The following CHIC2 variants were observed in gnomAD, a reference collection of about 807,000 sequenced individuals.
CHIC2 encodes cysteine rich hydrophobic domain 2, also known as cysteine-rich hydrophobic domain-containing protein 2.
A neutral mutation model predicts 25.9 loss-of-function variants in CHIC2; 14 were observed. That is an observed-to-expected ratio of 0.54 (90% CI 0.36 to 0.85). The LOEUF (loss-of-function observed/expected upper bound fraction) is 0.85. CHIC2 is among the 40% of genes least tolerant of loss of function. The pLI, the probability that CHIC2 is intolerant of heterozygous loss-of-function variation, is 0.01. For missense variants in CHIC2, 146 were observed against 202.0 expected, an observed-to-expected ratio of 0.72 and a Z score of 1.68; for synonymous variants, 70 against 72.0, an observed-to-expected ratio of 0.97 and a Z score of 0.14.
chr4:54,057,662 T>C (rs530593694), intron 1 of CHIC2, among the ~76,000 whole-genome samples: 61 of 152,338 alleles, frequency 4.0e-4, no homozygotes, highest in Non-Finnish European at 7.8e-4. Flanking sequence ...TTTCATTATA[T>C]ACCCAGAGCT....
chr4:54,029,577 A>G (rs1379787702), intron 3 of CHIC2, among the ~76,000 whole-genome samples: 4 of 152,218 alleles, frequency 2.6e-5, no homozygotes, highest in Non-Finnish European at 5.9e-5. Context: ...TTGGATTCTC[A>G]CTTCACTAGA....
intron 2 of CHIC2, 29 bp downstream of exon 2, chr4:54,049,222 T>C: frequency 6.3e-7 from 1 of 1,581,720 alleles, no homozygotes; most frequent in Non-Finnish European, 8.6e-7. Context: ...TTTTGAGGCA[T>C]ACAAATAGTA....
At chr4:54,013,764 G>C (rs747389821) in intron 5 of CHIC2, 73 bp downstream of exon 5, 12 of 1,463,774 alleles carry the variant, frequency 8.2e-6, no homozygotes, top group Non-Finnish European at 1.1e-5. Context: ...TAATAATCAT[G>C]GAAAGAATAA....
chr4:54,017,108 T>G (rs532155491), intron 3 of CHIC2, among the ~76,000 whole-genome samples: 1 of 152,274 alleles, frequency 6.6e-6, no homozygotes, highest in East Asian at 1.9e-4. Context: ...TAGATAAAAG[T>G]TAAAGAGTTT....
At chr4:54,033,455 CAA>C (rs1011601996) in intron 3 of CHIC2, among the ~76,000 whole-genome samples, 85 of 152,112 alleles carry the variant, frequency 5.6e-4, no homozygotes, top group Admixed American at 2.6e-3. Flanking sequence ...ATCTGCTTTG[CAA>C]AGATTTCTCC....
Position 54,048,941 on chromosome 4 carries a change from A to G in CHIC2, c.330+14T>C, listed in dbSNP as rs1438493877. On this transcript the variant is annotated intron_variant, in intron 3 of 5. Transcript: ENST00000263921. ...CACTTCTAAATTTAAATTAAAATAT[A>G]TAATTCAACTTACTCTTTTACTGAG... 3.3e-6 allele frequency: 5 copies of G among 1,507,236 alleles called. No homozygotes were observed. The highest frequency in any genetic ancestry group is 3.5e-6 in the Non-Finnish European group (4 of 1,130,440). 93.4% of individuals were successfully genotyped at this position (1,507,236 alleles called of 1,614,324 possible).
the CHIC2 span, among the ~76,000 whole-genome samples, chr4:54,091,365 G>T: frequency 6.6e-6 from 1 of 152,128 alleles, no homozygotes; most frequent in Admixed American, 6.5e-5. Context: ...GTGGGGAGGC[G>T]GGGCTCCAGG....
intron 3 of CHIC2, among the ~76,000 whole-genome samples, chr4:54,041,391 C>T: frequency 6.6e-6 from 1 of 151,950 alleles, no homozygotes; most frequent in East Asian, 1.9e-4. Context: ...ACATACAGTA[C>T]CTAGACAGAA....
chr4:54,075,141 C>A, the CHIC2 span, among the ~76,000 whole-genome samples: 1 of 152,140 alleles, frequency 6.6e-6, no homozygotes, highest in African/African-American at 2.4e-5. Context: ...AAAATAAATT[C>A]TCTCAAGTCA....
Position 54,056,926 on chromosome 4 carries a change from T to TG in CHIC2, c.119+7255dup, listed in dbSNP as rs151070328. On this transcript the variant is annotated intron_variant, in intron 1 of 5. Coordinates refer to ENST00000263921, the MANE Select transcript of CHIC2 (RefSeq NM_012110.4). ...TCCCACTTCAAAATCTATGATCTTG[T>TG]GGGAAACACTCTCTACTTCTGGCAT... Among the ~76,000 whole-genome samples the TG allele has an allele frequency of 3.3e-3, 502 of 152,246 alleles. 2 individuals are homozygous for TG. The highest frequency in any genetic ancestry group is 0.012 in the African/African-American group (479 of 41,540).
intron 3 of CHIC2, among the ~76,000 whole-genome samples, chr4:54,033,613 G>T (rs1430264634): frequency 1.3e-5 from 2 of 152,048 alleles, no homozygotes; most frequent in African/African-American, 4.8e-5. Flanking sequence ...CAGGTCACAA[G>T]GATTTTTCTC....
intron 1 of CHIC2, among the ~76,000 whole-genome samples, chr4:54,055,843 A>G (rs969470394): frequency 6.6e-6 from 1 of 152,222 alleles, no homozygotes; most frequent in Non-Finnish European, 1.5e-5. Flanking sequence ...ATATCAATGT[A>G]GCTCAAGGAG....
chr4:54,086,506 C>A, the CHIC2 span, among the ~76,000 whole-genome samples: 6 of 152,204 alleles, frequency 3.9e-5, no homozygotes, highest in African/African-American at 1.4e-4. Context: ...ACATAAATAT[C>A]CTGCAGGAGC....
the CHIC2 span, among the ~76,000 whole-genome samples, chr4:54,083,018 C>CTTTTTTTTTTTTTTTTTTTTTTT: frequency 8.2e-4 from 56 of 67,910 alleles, 1 homozygote; most frequent in African/African-American, 1.8e-3. Context: ...TTCTTTCTTT[C>CTTTTTTTTTTTTTTTTTTTTTTT]TTTTTTTTTT....
intron 3 of CHIC2, among the ~76,000 whole-genome samples, chr4:54,042,627 G>A (rs998446775): frequency 1.3e-5 from 2 of 152,118 alleles, no homozygotes; most frequent in Non-Finnish European, 2.9e-5. Flanking sequence ...GACATAGCAG[G>A]CATTGAAACA....
intron 3 of CHIC2, among the ~76,000 whole-genome samples, chr4:54,037,477 C>T (rs372863681): frequency 6.6e-6 from 1 of 152,122 alleles, no homozygotes; most frequent in African/African-American, 2.4e-5. Context: ...TCAGCACTTG[C>T]ACAGGGAAGT....
chr4:54,011,928 GAAGAA>G (rs1715605951), intron 5 of CHIC2, among the ~76,000 whole-genome samples: 3 of 151,822 alleles, frequency 2.0e-5, no homozygotes, highest in South Asian at 4.2e-4. Context: ...AAGAAAAGTT[GAAGAA>G]AAGAGGGACA....
upstream of CHIC2, chr4:54,064,687 G>A: frequency 9.8e-7 from 1 of 1,015,264 alleles, no homozygotes; most frequent in Non-Finnish European, 1.2e-6. The surrounding 1 kb of genome is among the most constrained non-coding windows in gnomAD (Gnocchi z 4.2). Context: ...GCGGGCGGGC[G>A]CGTGCGTGGG....
At chr4:54,082,029 C>T in the CHIC2 span, among the ~76,000 whole-genome samples, 14 of 152,004 alleles carry the variant, frequency 9.2e-5, no homozygotes, top group African/African-American at 2.9e-4. Flanking sequence ...CTAGCCTGGT[C>T]GAAGCAAAAA....
Sources: gnomAD v4.1 joint callset for allele counts (sites outside exome capture counted in the v4.1 genomes callset) on GRCh38, gnomAD v4.1.1 for gene constraint, Gnocchi (gnomAD v3.1) non-coding constraint, MANE v1.5 for transcripts, NCBI Gene and HGNC (gene_info 2026-07-23, HGNC 2026-07-21) for gene names.